ZNF648: variants seen among roughly 807,000 people sequenced by gnomAD.
ZNF648 encodes the protein zinc finger protein 648.
A neutral mutation model predicts 0.3 loss-of-function variants in ZNF648; 1 was observed. That is an observed-to-expected ratio of 3.90 (90% CI 1.39 to 18.51). The LOEUF is 18.51. Among genes scored for constraint, ZNF648 ranks in the 30% most tolerant of loss-of-function variants. ZNF648 has a pLI of 0.11. For synonymous variants in ZNF648, 376 were observed against 326.8 expected (o/e 1.15, Z -1.62); for missense variants, 874 against 769.7 (o/e 1.14, Z -1.60).
Position 182,056,919 on chromosome 1 carries a change from G to A in ZNF648, c.1092C>T (p.Phe364=), listed in dbSNP as rs966823499. 3 of 1,606,012 alleles carry A rather than the reference G, an allele frequency of 1.9e-6. No homozygotes were observed. The highest frequency in any genetic ancestry group is 1.7e-6 in the Non-Finnish European group (2 of 1,176,512). The change falls in exon 2 of 2, where the codon TTC becomes TTT. Residue 364 remains phenylalanine, a synonymous_variant. Coordinates refer to ENST00000339948, the MANE Select transcript of ZNF648 (RefSeq NM_001009992.1). ...QRNMHSNNKP[F]PCSECGLTFN... The stretch of plus-strand genomic sequence containing the variant: ...AGGTCAGGCCGCACTCGGAGCACGG[G>A]AAGGGCTTATTGTTGCTGTGCATGT...
At chr1:182,068,673 A>G in the ZNF648 span, among the ~76,000 whole-genome samples, 1 of 152,120 alleles carries the variant, frequency 6.6e-6, no homozygotes, top group Non-Finnish European at 1.5e-5. Flanking sequence ...CTGTAGTCCC[A>G]GCACTTTGGG....
In ZNF648 at chr1:182,057,620, C is replaced by G. The variant is rs771153275; in HGVS notation, c.391G>C (p.Ala131Pro). The change falls in exon 2 of 2, where the codon GCA becomes CCA. Residue 131 changes from alanine to proline, a missense_variant. Coordinates refer to ENST00000339948, the MANE Select transcript of ZNF648 (RefSeq NM_001009992.1). The stretch of plus-strand genomic sequence containing the variant: ...TGCATCTGACCTAACAATTTGTGTG[C>G]GAGACCACTGGGAAGGGAACCCAGA... ...RALGSLPSGL[A>P]HKLLGQMQPL... 60 of 1,614,072 alleles carry G rather than the reference C, an allele frequency of 3.7e-5. No individual in the cohort carries two copies. The highest frequency in any genetic ancestry group is 1.9e-4 in the South Asian group (17 of 91,088).
In ZNF648 at chr1:182,057,361, G is replaced by A; in HGVS notation, c.650C>T (p.Ala217Val). The change falls in exon 2 of 2, where the codon GCC (alanine) becomes GTC (valine). Residue 217 changes from alanine (A) to valine (V), a missense_variant. By Grantham distance (64) the Ala-to-Val change is moderately conservative. Coordinates refer to ENST00000339948, the MANE Select transcript of ZNF648 (RefSeq NM_001009992.1). ...TGCCAGGACCGCGGCAGCCAGGCTG[G>A]CTGGGGTGGCCGACGCCTGGGCTGG... ...HTPAQASATP[A>V]SLAAAVLAKA... The A allele has an allele frequency of 6.2e-7, 1 of 1,611,802 alleles. No individual in the cohort carries two copies. Among genetic ancestry groups the A allele is most frequent in the Non-Finnish European group, 8.5e-7 (1 of 1,179,852 alleles).
upstream of ZNF648, chr1:182,062,704 T>C (rs967540256): frequency 5.3e-5 from 8 of 152,198 alleles, no homozygotes; most frequent in Admixed American, 4.6e-4. Flanking sequence ...TGACGATTTT[T>C]AAAAATTTTA....
At chr1:182,059,809 A>AC (rs1208739862) in intron 1 of ZNF648, among the ~76,000 whole-genome samples, 5 of 151,614 alleles carry the variant, frequency 3.3e-5, no homozygotes, top group Non-Finnish European at 7.4e-5. Context: ...ATCTCAAAAA[A>AC]AAAAAAAAAG....
rs1425864690 is a variant in ZNF648 at position 182,055,040 on chromosome 1, C to T, written c.*1264G>A. The T allele has an allele frequency of 6.6e-6, 1 of 152,208 alleles. No individual in the cohort carries two copies. The highest frequency in any genetic ancestry group is 1.5e-5 in the Non-Finnish European group (1 of 68,036). The allele number at this position is 152,208 out of a possible 1,614,324, so 9.4% of individuals were successfully genotyped here. On this transcript the variant is annotated 3_prime_UTR_variant, in exon 2 of 2. Coordinates refer to ENST00000339948, the MANE Select transcript of ZNF648 (RefSeq NM_001009992.1). The surrounding 1 kb of genome is among the most constrained non-coding windows in gnomAD (Gnocchi z 4.1). ...GTACTCCCCCAAAAAGGGCACTATACCTTCTTATGGAATATCTTATTTAAC... is the reference window on the plus strand; with the variant it reads ...GTACTCCCCCAAAAAGGGCACTATATCTTCTTATGGAATATCTTATTTAAC...
intron 1 of ZNF648, 148 bp from the exon 2 acceptor site, chr1:182,058,221 T>C: frequency 1.7e-6 from 1 of 603,392 alleles, no homozygotes; most frequent in Non-Finnish European, 2.8e-6. Context: ...GACAGAGGCC[T>C]GGCTCTGCTG....
chr1:182,057,090 G>T lies in ZNF648; in HGVS notation c.921C>A (p.Tyr307Ter), dbSNP rs756919334. 43 of 1,611,996 alleles carry T rather than the reference G, an allele frequency of 2.7e-5. No individual in the cohort carries two copies. The highest frequency in any genetic ancestry group is 3.6e-5 in the Non-Finnish European group (43 of 1,179,956). Reference protein sequence around the residue: ...HRRLHTGERPYQCSFCDKAYT... With the variant: ...HRRLHTGERP ...AGGCCTTGTCGCAGAAGGAGCACTGGTAGGGCCGCTCGCCCGTGTGCAGGC... is the reference window on the plus strand; with the variant it reads ...AGGCCTTGTCGCAGAAGGAGCACTGTTAGGGCCGCTCGCCCGTGTGCAGGC... The change falls in exon 2 of 2, where the codon TAC becomes TAA. Residue 307 changes from tyrosine (Y) to a stop codon, truncating the protein, a stop_gained. Coordinates refer to ENST00000339948, the MANE Select transcript of ZNF648 (RefSeq NM_001009992.1). LOFTEE classifies it low-confidence loss of function (END_TRUNC).
Position 182,057,435 on chromosome 1 carries a change from G to GA in ZNF648, c.575dup (p.Arg194GlnfsTer53), listed in dbSNP as rs766390496. 4 of 1,614,204 alleles carry GA rather than the reference G, an allele frequency of 2.5e-6. No individual in the cohort carries two copies. The highest frequency in any genetic ancestry group is 2.5e-6 in the Non-Finnish European group (3 of 1,180,038). ...GGTCCCAGTTGCTCCCCGGCCTGGGGAAACACAACAGAGAAGAGTTCCCTG... is the reference window on the plus strand; with the variant it reads ...GGTCCCAGTTGCTCCCCGGCCTGGGGAAAACACAACAGAGAAGAGTTCCCTG... On this transcript the variant is annotated frameshift_variant, in exon 2 of 2. Transcript: ENST00000339948. LOFTEE classifies it low-confidence loss of function (END_TRUNC).
intron 1 of ZNF648, among the ~76,000 whole-genome samples, chr1:182,058,355 G>A (rs948207231): frequency 1.3e-5 from 2 of 152,086 alleles, no homozygotes; most frequent in Non-Finnish European, 2.9e-5. Context: ...TCCTGTCTAG[G>A]GTGCTCATCC....
upstream of ZNF648, among the ~76,000 whole-genome samples, chr1:182,062,395 T>C (rs1281316022): frequency 6.6e-6 from 1 of 152,176 alleles, no homozygotes. Context: ...ATTCAGGGCA[T>C]TAAAATAGGT....
At chr1:182,058,109 G>T in intron 1 of ZNF648, 36 bp from the exon 2 acceptor site, 1 of 1,417,768 alleles carries the variant, frequency 7.1e-7, no homozygotes, top group South Asian at 1.4e-5. Flanking sequence ...AAATCACAAA[G>T]AATGTACTTA....
chr1:182,058,097 G>GA (rs1665972183), intron 1 of ZNF648, 24 bp from the exon 2 acceptor site: 13 of 1,470,222 alleles, frequency 8.8e-6, no homozygotes, highest in East Asian at 6.8e-5. Context: ...AGTACGAAGA[G>GA]AAAATCACAA....
intron 1 of ZNF648, 110 bp from the exon 2 acceptor site, chr1:182,058,183 G>T: frequency 1.3e-6 from 1 of 748,076 alleles, no homozygotes; most frequent in Non-Finnish European, 2.1e-6. Context: ...TGGTCTCCAT[G>T]TCAGGCATAT....
chr1:182,057,394 GTC>G lies in ZNF648; in HGVS notation c.615_616del (p.Glu205AspfsTer41). ...GGCCGACGCCTGGGCTGGTGTATGT[GTC>G]TCTTGCGTGGGAAGGTCCCAGTTGC... On this transcript the variant is annotated frameshift_variant, in exon 2 of 2. Coordinates refer to ENST00000339948, the MANE Select transcript of ZNF648 (RefSeq NM_001009992.1). LOFTEE classifies it low-confidence loss of function (END_TRUNC). The G allele has an allele frequency of 6.2e-7, 1 of 1,613,736 alleles. No homozygotes were observed.
At position 182,055,607 on chromosome 1, in the gene ZNF648, C is replaced by T. The variant is rs952724489; in HGVS notation, c.*697G>A. On this transcript the variant is annotated 3_prime_UTR_variant, in exon 2 of 2. Transcript: ENST00000339948. This position sits in a 1 kb window ranked among gnomAD's most constrained non-coding sequence, Gnocchi z 4.1. Reference sequence around the variant, plus strand: ...TATAAAGAGGAATGGGCTTCTTTTTCAGATGCTAAGGCTGTCCTGAACTTC... The same window carrying T: ...TATAAAGAGGAATGGGCTTCTTTTTTAGATGCTAAGGCTGTCCTGAACTTC... 3.3e-5 allele frequency: 5 copies of T among 152,220 alleles called. No individual in the cohort carries two copies. Among genetic ancestry groups the T allele is most frequent in the Non-Finnish European group, 7.3e-5 (5 of 68,054 alleles). 9.4% of individuals were successfully genotyped at this position (152,220 alleles called of 1,614,324 possible).
At position 182,056,839 on chromosome 1, in the gene ZNF648, G is replaced by A; in HGVS notation, c.1172C>T (p.Pro391Leu). The change falls in exon 2 of 2, where the codon CCC becomes CTC. Residue 391 changes from proline to leucine, a missense_variant. Pro to Leu is a moderately conservative substitution (Grantham distance 98). Transcript: ENST00000339948. ...CCGGTCGCAGGCGGGGCAGCGGAAG[G>A]GCTTGGCGCCCAGGTGCGTGCGCTG... The part of the protein sequence containing the change: ...RHQRTHLGAK[P>L]FRCPACDREF... The A allele has an allele frequency of 6.4e-7, 1 of 1,557,012 alleles. No homozygotes were observed. The highest frequency in any genetic ancestry group is 8.7e-7 in the Non-Finnish European group (1 of 1,150,754).
upstream of ZNF648, among the ~76,000 whole-genome samples, chr1:182,065,322 G>T (rs118142175): frequency 5.3e-3 from 814 of 152,214 alleles, 58 homozygotes; most frequent in East Asian, 0.14. Flanking sequence ...TGTGACCTGT[G>T]TATCTGTGGT....
At chr1:182,068,248 C>A in the ZNF648 span, 1 of 152,170 alleles carries the variant, frequency 6.6e-6, no homozygotes, top group East Asian at 1.9e-4. Flanking sequence ...TTATCTAGTG[C>A]AGCCCCTCTG....
Sources: gnomAD v4.1 joint callset for allele counts (sites outside exome capture counted in the v4.1 genomes callset) on GRCh38, gnomAD v4.1.1 for gene constraint, Gnocchi (gnomAD v3.1) non-coding constraint, MANE v1.5 for transcripts, NCBI Gene and HGNC (gene_info 2026-07-23, HGNC 2026-07-21) for gene names.